The following DYNC2H1 variants were observed in gnomAD, a reference collection of about 807,000 sequenced individuals.
The protein encoded by DYNC2H1 is cytoplasmic dynein 2 heavy chain 1.
DYNC2H1 carries 410 observed loss-of-function variants against 570.0 expected under a neutral mutation model. That is an observed-to-expected ratio of 0.72 (90% confidence interval 0.66 to 0.78). The LOEUF (loss-of-function observed/expected upper bound fraction) is 0.78. DYNC2H1 is among the 30% of genes least tolerant of loss of function. The pLI, the probability that DYNC2H1 is intolerant of heterozygous loss-of-function variation, is 0.00. For missense variants in DYNC2H1, 4,865 were observed against 5,046.4 expected (o/e 0.96, Z 1.09); for synonymous variants, 1,688 against 1,677.6 (o/e 1.01, Z -0.15).
rs2134874300 is a variant in DYNC2H1 at position 103,152,233 on chromosome 11, G to C, written c.3044G>C (p.Trp1015Ser). 1 of 1,607,246 alleles carries C rather than the reference G, an allele frequency of 6.2e-7. No homozygotes were observed. Among genetic ancestry groups the C allele is most frequent in the East Asian group, 2.2e-5 (1 of 44,484 alleles). The change falls in exon 21 of 89, where the codon TGG (tryptophan) becomes TCG (serine). Residue 1015 changes from tryptophan to serine, a missense_variant. Trp to Ser is a radical substitution (Grantham distance 177). Coordinates refer to ENST00000375735, the MANE Select transcript of DYNC2H1 (RefSeq NM_001377.3). ...ACAATTAGTAATTTGAAAGCCAAGT[G>C]GGATAAATTTGAGTTAATGATGGAA... Reference protein sequence around the residue: ...LETISNLKAKWDKFELMMESH... With the variant: ...LETISNLKAKSDKFELMMESH...
In DYNC2H1 at chr11:103,222,230, C is replaced by A. The variant is rs531406049; in HGVS notation, c.9231+77C>A. 1.3e-5 allele frequency: 13 copies of A among 1,025,558 alleles called. No individual in the cohort carries two copies. In the Admixed American group the frequency reaches 2.2e-4, roughly 17 times the overall value. The allele number at this position is 1,025,558 out of a possible 1,614,324, so 63.5% of individuals were successfully genotyped here. On this transcript the variant is annotated intron_variant, in intron 58 of 88. Transcript: ENST00000375735. ...TGCTTTTTAAAATGTGGTGCTTTGT[C>A]ATTGCCAACTGTTTAGATCACCTAA...
In DYNC2H1 at chr11:103,284,029, C is replaced by T. The variant is rs572828829; in HGVS notation, c.10890+944C>T. 3.3e-5 allele frequency among the ~76,000 whole-genome samples: 5 copies of T among 152,216 alleles called. No homozygotes were observed. The East Asian group carries it at 7.7e-4, about 24-fold the overall frequency. On this transcript the variant is annotated intron_variant, in intron 73 of 88. Transcript: ENST00000375735. ...TGTAAAAGCTACTTTTAACAGAACCCTGCAAAGTTGGTTTAGTGAGAATTT... is the reference window on the plus strand; with the variant it reads ...TGTAAAAGCTACTTTTAACAGAACCTTGCAAAGTTGGTTTAGTGAGAATTT...
rs1233737270 is a variant in DYNC2H1 at position 103,114,161 on chromosome 11, A to T, written c.425A>T (p.Glu142Val). The T allele has an allele frequency of 2.5e-6, 4 of 1,608,584 alleles. No homozygotes were observed. Among genetic ancestry groups the T allele is most frequent in the African/African-American group, 1.3e-5 (1 of 75,002 alleles). ...PKLQNLLSEL[E>V]AGLGIVLRRS... ...CTTCAGAATCTTTTGAGTGAACTAG[A>T]AGCTGGGTTGGGTATAGTTCTACGA... is the stretch of plus-strand genomic sequence containing the variant. Residue 142 changes from glutamate (E) to valine (V), a missense_variant, in exon 3 of 89, where the codon GAA (glutamate) becomes GTA (valine). Physicochemically the swap from Glu to Val is moderately radical, Grantham distance 121 (BLOSUM62 -2). Transcript: ENST00000375735.
intron 88 of DYNC2H1, 103 bp downstream of exon 88, chr11:103,468,808 C>G (rs1945276912): frequency 1.2e-6 from 1 of 831,212 alleles, no homozygotes; most frequent in East Asian, 2.8e-5. Flanking sequence ...TGTTTGCTTT[C>G]TAATCTCACC....
chr11:103,478,044 C>G (rs1945618244), intron 88 of DYNC2H1, among the ~76,000 whole-genome samples: 1 of 42,966 alleles, frequency 2.3e-5, no homozygotes, highest in South Asian at 1.6e-3. Context: ...TATCAAAACT[C>G]AGGAGCCAAC....
intron 17 of DYNC2H1, among the ~76,000 whole-genome samples, chr11:103,137,119 G>A (rs936544625): frequency 1.4e-5 from 2 of 146,606 alleles, no homozygotes; most frequent in Non-Finnish European, 3.0e-5. Context: ...GTAGATTCTG[G>A]ATATTAGCCC....
chr11:103,243,931 C>A lies in DYNC2H1; in HGVS notation c.9918+140C>A. On this transcript the variant is annotated intron_variant, in intron 64 of 88. Coordinates refer to ENST00000375735, the MANE Select transcript of DYNC2H1 (RefSeq NM_001377.3). The surrounding 1 kb of genome is among the most constrained non-coding windows in gnomAD (Gnocchi z 4.8). Reference sequence around the variant, plus strand: ...CTTGGGCGAGAGATATAACTCTTAGCTTCAGTTTTCTAATTTGTAAAAAAT... The same window carrying A: ...CTTGGGCGAGAGATATAACTCTTAGATTCAGTTTTCTAATTTGTAAAAAAT... 2.1e-6 allele frequency: 1 copy of A among 483,920 alleles called. No homozygotes were observed. The allele number at this position is 483,920 out of a possible 1,614,324, so 30.0% of individuals were successfully genotyped here. A position where few individuals can be genotyped will look rare whatever the true frequency, so the allele number is the denominator to read the frequency against.
rs865887579 is a variant in DYNC2H1 at position 103,472,929 on chromosome 11, C to T, written c.12765+4224C>T. Among the ~76,000 whole-genome samples, 3 of 152,262 alleles carry T rather than the reference C, an allele frequency of 2.0e-5. No individual in the cohort carries two copies. Among genetic ancestry groups the T allele is most frequent in the African/African-American group, 7.2e-5 (3 of 41,556 alleles). Reference sequence around the variant, plus strand: ...TTCAACAGAAACTTGCCCACTAACCCAGTCATTTGCACAACATTGCTTTGA... The same window carrying T: ...TTCAACAGAAACTTGCCCACTAACCTAGTCATTTGCACAACATTGCTTTGA... On this transcript the variant is annotated intron_variant, in intron 88 of 88. Coordinates refer to ENST00000375735, the MANE Select transcript of DYNC2H1 (RefSeq NM_001377.3). The surrounding 1 kb of genome is among the most constrained non-coding windows in gnomAD (Gnocchi z 4.1).
In DYNC2H1 at chr11:103,415,407, T is replaced by A; in HGVS notation, c.12366+15535T>A. ...CAACCTACAGAATGGGAGAAAATTT[T>A]TGCAATCTATTCATCTGACAAAGGG... is the stretch of plus-strand genomic sequence containing the variant. On this transcript the variant is annotated intron_variant, in intron 84 of 88. Transcript: ENST00000375735. 1.3e-5 allele frequency among the ~76,000 whole-genome samples: 2 copies of A among 152,152 alleles called. 1 individual carries two copies. Among genetic ancestry groups the A allele is most frequent in the Non-Finnish European group, 2.9e-5 (2 of 68,036 alleles).
chr11:103,437,993 T>C (rs1944122645), intron 85 of DYNC2H1, among the ~76,000 whole-genome samples: 1 of 152,058 alleles, frequency 6.6e-6, no homozygotes, highest in South Asian at 2.1e-4. Flanking sequence ...GAAAAACTGG[T>C]CGTCAAAACT....
chr11:103,307,721 G>T lies in DYNC2H1; in HGVS notation c.11383G>T (p.Glu3795Ter). 1 of 1,549,790 alleles carries T rather than the reference G, an allele frequency of 6.5e-7. No homozygotes were observed. Among genetic ancestry groups the T allele is most frequent in the Non-Finnish European group, 8.7e-7 (1 of 1,143,892 alleles). The change falls in exon 78 of 89, where the codon GAA (glutamate) becomes TAA (stop). Residue 3795 changes from glutamate (E) to a stop codon, truncating the protein, a stop_gained and splice_region_variant. Transcript: ENST00000375735. LOFTEE classifies it high-confidence loss of function. The part of the protein sequence containing the change: ...VVSWLPVLEK[E>*]LNTLQPKDTF... ...TTTTGTCATTGGTTTTGTAAACAAG[G>T]AATTGAATACTCTTCAACCTAAAGA...
chr11:103,306,430 G>A (rs12281963), intron 77 of DYNC2H1, among the ~76,000 whole-genome samples: 26,284 of 151,902 alleles, frequency 0.17, 2,466 homozygotes, highest in Admixed American at 0.26. Context: ...ATTAGTTTGG[G>A]TGGATTGATT....
rs1262458679 is a variant in DYNC2H1, at chr11:103,114,035, T to A, written c.367-68T>A. On this transcript the variant is annotated intron_variant, in intron 2 of 88. Coordinates refer to ENST00000375735, the MANE Select transcript of DYNC2H1 (RefSeq NM_001377.3). ...AAGAAAAATGGGGTTTTGGACAGTGTTTTGGGAAGCCAATTTGATTAGCAA... is the reference window on the plus strand; with the variant it reads ...AAGAAAAATGGGGTTTTGGACAGTGATTTGGGAAGCCAATTTGATTAGCAA... 3 of 1,563,844 alleles carry A rather than the reference T, an allele frequency of 1.9e-6. No homozygotes were observed. In the African/African-American group the frequency reaches 4.1e-5, roughly 21 times the overall value.
At chr11:103,279,464 T>C (rs985652569) in intron 70 of DYNC2H1, among the ~76,000 whole-genome samples, 2 of 152,194 alleles carry the variant, frequency 1.3e-5, no homozygotes, top group Non-Finnish European at 2.9e-5. Flanking sequence ...ATTCTTCGAC[T>C]TTGTTTCTTC....
chr11:103,213,301 CCAAT>C (rs1418708004), intron 54 of DYNC2H1, among the ~76,000 whole-genome samples: 1 of 152,044 alleles, frequency 6.6e-6, no homozygotes, highest in Non-Finnish European at 1.5e-5. Context: ...GTCCTTTTTC[CCAAT>C]CAGTGAGACT....
At chr11:103,291,691 C>T (rs949750827) in intron 75 of DYNC2H1, among the ~76,000 whole-genome samples, 3 of 152,084 alleles carry the variant, frequency 2.0e-5, no homozygotes, top group Non-Finnish European at 4.4e-5. Flanking sequence ...TAGAGTCTAT[C>T]TCTCTCTTTA....
At chr11:103,323,806 A>T in intron 81 of DYNC2H1, 80 bp from the exon 82 acceptor site, 3 of 1,051,048 alleles carry the variant, frequency 2.9e-6, no homozygotes, top group Non-Finnish European at 4.1e-6. Context: ...GAACATTTCA[A>T]AGTATTCTTT....
rs146961611 is a variant in DYNC2H1 at position 103,421,864 on chromosome 11, G to A, written c.12367-14079G>A. 1.4e-4 allele frequency among the ~76,000 whole-genome samples: 21 copies of A among 149,886 alleles called. No individual in the cohort carries two copies. The East Asian group carries it at 4.1e-3, about 29-fold the overall frequency. On this transcript the variant is annotated intron_variant, in intron 84 of 88. Transcript: ENST00000375735. ...ACAAGAAATTACCGAGATCAGAGCTGAACTTTAAAAAGCCTTTAGAAAAAA... is the reference window on the plus strand; with the variant it reads ...ACAAGAAATTACCGAGATCAGAGCTAAACTTTAAAAAGCCTTTAGAAAAAA...
In DYNC2H1 at chr11:103,157,543, A is replaced by C. The variant is rs1339922127; in HGVS notation, c.4127+773A>C. On this transcript the variant is annotated intron_variant, in intron 26 of 88. Coordinates refer to ENST00000375735, the MANE Select transcript of DYNC2H1 (RefSeq NM_001377.3). This position sits in a 1 kb window ranked among gnomAD's most constrained non-coding sequence, Gnocchi z 4.2. ...TATCTCCCTCTTCCTCCACTTTTAC[A>C]TACATTAAGTTGCCAAATTTTGTTG... Among the ~76,000 whole-genome samples, 1 of 152,222 alleles carries C rather than the reference A, an allele frequency of 6.6e-6. No homozygotes were observed. Among genetic ancestry groups the C allele is most frequent in the Non-Finnish European group, 1.5e-5 (1 of 68,034 alleles).
Sources: allele counts gnomAD v4.1 joint callset (sites outside exome capture counted in the v4.1 genomes callset), GRCh38; gene constraint gnomAD v4.1.1; non-coding constraint Gnocchi (gnomAD v3.1); transcripts MANE v1.5; gene names NCBI Gene and HGNC (gene_info 2026-07-23, HGNC 2026-07-21).